MYC: variants seen among roughly 807,000 people sequenced by gnomAD.
MYC encodes MYC proto-oncogene, bHLH transcription factor, also known as myc proto-oncogene protein.
In MYC, 1 loss-of-function variant was observed where a neutral mutation model predicts 30.5. The ratio of observed to expected loss-of-function variants is 0.03; its 90% confidence interval spans 0.01 to 0.16. MYC has a LOEUF of 0.16. MYC is among the 10% of genes least tolerant of loss of function. The pLI is 1.00. For missense variants in MYC, 508 were observed against 589.0 expected (o/e 0.86, Z 1.42); for synonymous variants, 267 against 250.7 (o/e 1.07, Z -0.62).
rs535709985 is a variant in MYC, at chr8:127,736,481, G to A, written c.-113G>A. The A allele has an allele frequency of 4.1e-6, 5 of 1,219,694 alleles. No individual in the cohort carries two copies. The highest frequency in any genetic ancestry group is 3.0e-5 in the African/African-American group (2 of 66,238). The allele number at this position is 1,219,694 out of a possible 1,614,324, so 75.6% of individuals were successfully genotyped here. ...TTGCACTGGAACTTACAACACCCGA[G>A]CAAGGACGCGACTCTCCCGACGCGG... On this transcript the variant is annotated 5_prime_UTR_variant, in exon 1 of 3. Transcript: ENST00000621592.
chr8:127,740,681 C>T lies in MYC; in HGVS notation c.1088C>T (p.Ser363Leu), dbSNP rs1813696503. 1.9e-6 allele frequency: 3 copies of T among 1,614,080 alleles called. No individual in the cohort carries two copies. The highest frequency in any genetic ancestry group is 2.5e-6 in the Non-Finnish European group (3 of 1,180,028). Residue 363 changes from serine to leucine, a missense_variant, in exon 3 of 3, where the codon TCG (serine) becomes TTG (leucine). Ser to Leu is a moderately radical substitution (Grantham distance 145). Around this residue, in one of 5 missense-constraint regions of MYC, gnomAD observed 364 missense variants for 381.1 expected, o/e 0.96. Transcript: ENST00000621592. ...CGAAAATGCACCAGCCCCAGGTCCT[C>T]GGACACCGAGGAGAATGTCAAGAGG...
In MYC at chr8:127,738,910, C is replaced by T. The variant is rs2130097458; in HGVS notation, c.693C>T (p.Phe231=). 2 of 1,610,408 alleles carry T rather than the reference C, an allele frequency of 1.2e-6. No homozygotes were observed. The highest frequency in any genetic ancestry group is 2.2e-5 in the South Asian group (2 of 91,066). The change falls in exon 2 of 3, where the codon TTC becomes TTT. Residue 231 remains phenylalanine (F), a synonymous_variant. Transcript: ENST00000621592. The surrounding 1 kb of genome is among the most constrained non-coding windows in gnomAD (Gnocchi z 7.6). The stretch of plus-strand genomic sequence containing the variant: ...GCGCCTCGCAAGACTCCAGCGCCTT[C>T]TCTCCGTCCTCGGATTCTCTGCTCT...
intron 1 of MYC, among the ~76,000 whole-genome samples, chr8:127,737,972 C>T (rs1265605727): frequency 6.6e-6 from 1 of 152,224 alleles, no homozygotes; most frequent in East Asian, 1.9e-4. Flanking sequence ...GGGCCGACTC[C>T]CGGGCTTTGC....
Position 127,740,540 on chromosome 8 carries a change from A to G in MYC, c.947A>G (p.His316Arg), listed in dbSNP as rs1051420663. 1 of 1,614,052 alleles carries G rather than the reference A, an allele frequency of 6.2e-7. No individual in the cohort carries two copies. The highest frequency in any genetic ancestry group is 8.5e-7 in the Non-Finnish European group (1 of 1,179,992). Residue 316 changes from histidine to arginine, a missense_variant, in exon 3 of 3, where the codon CAC becomes CGC. His to Arg is a conservative substitution (Grantham distance 29). Around this residue, in one of 5 missense-constraint regions of MYC, gnomAD observed 364 missense variants for 381.1 expected, o/e 0.96. Coordinates refer to ENST00000621592, the MANE Select transcript of MYC (RefSeq NM_002467.6). ...AGCCCACTGGTCCTCAAGAGGTGCCACGTCTCCACACATCAGCACAACTAC... is the reference window on the plus strand; with the variant it reads ...AGCCCACTGGTCCTCAAGAGGTGCCGCGTCTCCACACATCAGCACAACTAC...
rs775727765 is a variant in MYC, at chr8:127,738,949, C to T, written c.732C>T (p.Ser244=). Reference sequence around the variant, plus strand: ...ATTCTCTGCTCTCCTCGACGGAGTCCTCCCCGCAGGGCAGCCCCGAGCCCC... The same window carrying T: ...ATTCTCTGCTCTCCTCGACGGAGTCTTCCCCGCAGGGCAGCCCCGAGCCCC... The change falls in exon 2 of 3, where the codon TCC becomes TCT. Residue 244 remains serine, a synonymous_variant. Coordinates refer to ENST00000621592, the MANE Select transcript of MYC (RefSeq NM_002467.6). This position sits in a 1 kb window ranked among gnomAD's most constrained non-coding sequence, Gnocchi z 7.6. 7.5e-6 allele frequency: 12 copies of T among 1,595,802 alleles called. No homozygotes were observed. Among genetic ancestry groups the T allele is most frequent in the Admixed American group, 1.7e-5 (1 of 58,674 alleles).
Position 127,739,015 on chromosome 8 carries a change from C to G in MYC, c.798C>G (p.Asp266Glu). The G allele has an allele frequency of 6.6e-7, 1 of 1,507,434 alleles. No homozygotes were observed. The highest frequency in any genetic ancestry group is 1.4e-5 in the African/African-American group (1 of 71,954). 93.4% of individuals were successfully genotyped at this position (1,507,434 alleles called of 1,614,324 possible). Residue 266 changes from aspartate to glutamate, a missense_variant, in exon 2 of 3, where the codon GAC becomes GAG. By Grantham distance (45) the Asp-to-Glu change is conservative. Around this residue, in one of 5 missense-constraint regions of MYC, gnomAD observed 364 missense variants for 381.1 expected, o/e 0.96. Transcript: ENST00000621592. ...AGACACCGCCCACCACCAGCAGCGACTCTGGTAAGCGAAGCCCGCCCAGGC... is the reference window on the plus strand; with the variant it reads ...AGACACCGCCCACCACCAGCAGCGAGTCTGGTAAGCGAAGCCCGCCCAGGC...
chr8:127,736,371 C>T lies in MYC; in HGVS notation c.-223C>T, dbSNP rs1813589302. On this transcript the variant is annotated 5_prime_UTR_variant, in exon 1 of 3. Coordinates refer to ENST00000621592, the MANE Select transcript of MYC (RefSeq NM_002467.6). The stretch of plus-strand genomic sequence containing the variant: ...GCGAATAGGGGGCTTCGCCTCTGGC[C>T]CAGCCCTCCCGCTGATCCCCCAGCC... 1.6e-6 allele frequency: 1 copy of T among 610,418 alleles called. No individual in the cohort carries two copies. The highest frequency in any genetic ancestry group is 2.9e-5 in the Admixed American group (1 of 34,136). The allele number at this position is 610,418 out of a possible 1,614,324, so 37.8% of individuals were successfully genotyped here. A position where few individuals can be genotyped will look rare whatever the true frequency, so the allele number is the denominator to read the frequency against.
rs2130093941 is a variant in MYC at position 127,738,492 on chromosome 8, T to C, written c.275T>C (p.Val92Ala). The change falls in exon 2 of 3, where the codon GTC becomes GCC. Residue 92 changes from valine (V) to alanine (A), a missense_variant. Physicochemically the swap from Val to Ala is moderately conservative, Grantham distance 64. Around this residue, in one of 5 missense-constraint regions of MYC, gnomAD observed 364 missense variants for 381.1 expected, o/e 0.96. Transcript: ENST00000621592. The surrounding 1 kb of genome is among the most constrained non-coding windows in gnomAD (Gnocchi z 7.6). ...CTCTGCTCGCCCTCCTACGTTGCGG[T>C]CACACCCTTCTCCCTTCGGGGAGAC... 6.2e-7 allele frequency: 1 copy of C among 1,607,630 alleles called. No homozygotes were observed. Among genetic ancestry groups the C allele is most frequent in the East Asian group, 2.2e-5 (1 of 44,768 alleles).
rs374718932 is a variant in MYC, at chr8:127,738,240, C to G, written c.31-8C>G. The G allele has an allele frequency of 3.2e-5, 50 of 1,571,044 alleles. No homozygotes were observed. Among genetic ancestry groups the G allele is most frequent in the Non-Finnish European group, 4.2e-5 (49 of 1,155,630 alleles). Reference sequence around the variant, plus strand: ...AGACTGCCTCCCGCTTTGTGTGCCCCGCTCCAGCAGCCTCCCGCGACGATG... The same window carrying G: ...AGACTGCCTCCCGCTTTGTGTGCCCGGCTCCAGCAGCCTCCCGCGACGATG... On this transcript the variant is annotated splice_polypyrimidine_tract_variant and splice_region_variant and intron_variant, in intron 1 of 2. Coordinates refer to ENST00000621592, the MANE Select transcript of MYC (RefSeq NM_002467.6). This position sits in a 1 kb window ranked among gnomAD's most constrained non-coding sequence, Gnocchi z 7.6.
rs1813591555 is a variant in MYC at position 127,736,469 on chromosome 8, T to TA, written c.-124dup. ...CGGGCGGGCACTTTGCACTGGAACTTACAACACCCGAGCAAGGACGCGACT... is the reference window on the plus strand; with the variant it reads ...CGGGCGGGCACTTTGCACTGGAACTTAACAACACCCGAGCAAGGACGCGACT... On this transcript the variant is annotated 5_prime_UTR_variant, in exon 1 of 3. Coordinates refer to ENST00000621592, the MANE Select transcript of MYC (RefSeq NM_002467.6). The TA allele has an allele frequency of 3.6e-6, 4 of 1,108,406 alleles. No homozygotes were observed. The highest frequency in any genetic ancestry group is 5.3e-6 in the Non-Finnish European group (4 of 756,062). 68.7% of individuals were successfully genotyped at this position (1,108,406 alleles called of 1,614,324 possible).
At chr8:127,737,955 C>A (rs1187947065) in intron 1 of MYC, among the ~76,000 whole-genome samples, 1 of 152,216 alleles carries the variant, frequency 6.6e-6, no homozygotes, top group East Asian at 1.9e-4. Flanking sequence ...ATTCCTCTGC[C>A]GCTGCGGGGC....
intron 1 of MYC, among the ~76,000 whole-genome samples, chr8:127,737,534 T>A (rs981439598): frequency 4.5e-4 from 69 of 152,110 alleles, no homozygotes; most frequent in African/African-American, 1.6e-3. Flanking sequence ...CATCTCCGTA[T>A]TGAGTGCGAA....
chr8:127,737,973 C>G (rs968228138), intron 1 of MYC, among the ~76,000 whole-genome samples: 1 of 152,200 alleles, frequency 6.6e-6, no homozygotes, highest in African/African-American at 2.4e-5. Context: ...GGCCGACTCC[C>G]GGGCTTTGCG....
chr8:127,737,139 C>A (rs578195374), intron 1 of MYC, among the ~76,000 whole-genome samples: 2 of 152,286 alleles, frequency 1.3e-5, no homozygotes, highest in Non-Finnish European at 2.9e-5. Flanking sequence ...ACGGACACTG[C>A]GGCGCGTCCC....
At chr8:127,736,973 G>T (rs2130085769) in intron 1 of MYC, among the ~76,000 whole-genome samples, 1 of 152,378 alleles carries the variant, frequency 6.6e-6, no homozygotes, top group South Asian at 2.1e-4. Context: ...GCTGGGGGTT[G>T]CTTTGCGGTG....
chr8:127,739,066 CT>C (rs2130098560), intron 2 of MYC, 47 bp downstream of exon 2: 1 of 1,434,940 alleles, frequency 7.0e-7, no homozygotes, highest in Non-Finnish European at 9.1e-7. Flanking sequence ...GGCTGGATAC[CT>C]TTCCCATTTT....
In MYC at chr8:127,740,986, A is replaced by G. The variant is rs1281624150; in HGVS notation, c.*28A>G. The G allele has an allele frequency of 1.4e-5, 22 of 1,520,426 alleles. No homozygotes were observed. The highest frequency in any genetic ancestry group is 2.7e-5 in the South Asian group (2 of 75,104). 94.2% of individuals were successfully genotyped at this position (1,520,426 alleles called of 1,614,324 possible). A position where few individuals can be genotyped will look rare whatever the true frequency, so the allele number is the denominator to read the frequency against. On this transcript the variant is annotated 3_prime_UTR_variant, in exon 3 of 3. Coordinates refer to ENST00000621592, the MANE Select transcript of MYC (RefSeq NM_002467.6). ...AAAAGTAAGGAAAACGATTCCTTCT[A>G]ACAGAAATGTCCTGAGCAATCACCT... is the stretch of plus-strand genomic sequence containing the variant.
At position 127,738,130 on chromosome 8, in the gene MYC, G is replaced by A. The variant is rs1267761258; in HGVS notation, c.31-118G>A. 2 of 1,277,658 alleles carry A rather than the reference G, an allele frequency of 1.6e-6. No individual in the cohort carries two copies. Among genetic ancestry groups the A allele is most frequent in the African/African-American group, 1.5e-5 (1 of 66,790 alleles). The allele number at this position is 1,277,658 out of a possible 1,614,324, so 79.1% of individuals were successfully genotyped here. ...CCAAGACCACCCAGCCGCTTTAGGG[G>A]ATAGCTCTGCAAGGGGAGAGGTTCG... On this transcript the variant is annotated intron_variant, in intron 1 of 2. Coordinates refer to ENST00000621592, the MANE Select transcript of MYC (RefSeq NM_002467.6). The surrounding 1 kb of genome is among the most constrained non-coding windows in gnomAD (Gnocchi z 7.6).
rs1359932909 is a variant in MYC, at chr8:127,742,324, G to A, written c.*1366G>A. Reference sequence around the variant, plus strand: ...CACTGATAGGGAAAAGTGGAAGCGAGATTTGAACCCAGGCTGTTTACTCCT... The same window carrying A: ...CACTGATAGGGAAAAGTGGAAGCGAAATTTGAACCCAGGCTGTTTACTCCT... On this transcript the variant is annotated 3_prime_UTR_variant, in exon 3 of 3. Coordinates refer to ENST00000621592, the MANE Select transcript of MYC (RefSeq NM_002467.6). Among the ~76,000 whole-genome samples the A allele has an allele frequency of 6.6e-6, 1 of 152,204 alleles. No homozygotes were observed. Among genetic ancestry groups the A allele is most frequent in the Non-Finnish European group, 1.5e-5 (1 of 68,048 alleles).
Sources: allele counts gnomAD v4.1 joint callset (sites outside exome capture counted in the v4.1 genomes callset), GRCh38; gene constraint gnomAD v4.1.1; regional missense constraint gnomAD v4.1.1; non-coding constraint Gnocchi (gnomAD v3.1); transcripts MANE v1.5; gene names NCBI Gene and HGNC (gene_info 2026-07-23, HGNC 2026-07-21).